TRIM44: variants seen among roughly 807,000 people sequenced by gnomAD.
The protein encoded by TRIM44 is tripartite motif-containing protein 44.
A neutral mutation model predicts 37.4 loss-of-function variants in TRIM44; 13 were observed. The observed-to-expected ratio is 0.35, with a 90% confidence interval of 0.23 to 0.55. The LOEUF (loss-of-function observed/expected upper bound fraction) is 0.55, where lower values mean the gene tolerates loss of function less well. Among genes scored for constraint, TRIM44 ranks in the 20% least tolerant of loss-of-function variants. The pLI is 0.89. For missense variants in TRIM44, 426 were observed against 437.2 expected (o/e 0.97, Z 0.23); for synonymous variants, 175 against 157.2 (o/e 1.11, Z -0.85).
At chr11:35,732,499 C>T (rs1169960210) in intron 3 of TRIM44, among the ~76,000 whole-genome samples, 1 of 152,086 alleles carries the variant, frequency 6.6e-6, no homozygotes, top group Non-Finnish European at 1.5e-5. Flanking sequence ...TTACTATGAG[C>T]CTTGTGCTGT....
chr11:35,791,027 GT>G (rs1225269332), intron 4 of TRIM44, among the ~76,000 whole-genome samples: 1 of 152,134 alleles, frequency 6.6e-6, no homozygotes, highest in African/African-American at 2.4e-5. Flanking sequence ...ACACCTCATA[GT>G]TTCTTGTTTT....
intron 4 of TRIM44, among the ~76,000 whole-genome samples, chr11:35,801,787 C>A (rs1853374121): frequency 6.6e-6 from 1 of 152,044 alleles, no homozygotes; most frequent in African/African-American, 2.4e-5. Flanking sequence ...CATCCCCTAC[C>A]CACAACCAAG....
At chr11:35,725,423 T>A (rs1427157987) in intron 2 of TRIM44, among the ~76,000 whole-genome samples, 1 of 152,122 alleles carries the variant, frequency 6.6e-6, no homozygotes, top group Non-Finnish European at 1.5e-5. Flanking sequence ...AACCTCCACC[T>A]TCTTGGTTCA....
rs529883603 is a variant in TRIM44, at chr11:35,773,296, C to G, written c.1008-33062C>G. ...AGGTGCCTTTTTTTTAAAGAAGTATCTATTCATGTCTTTGGCCCACTTTTT... is the reference window on the plus strand; with the variant it reads ...AGGTGCCTTTTTTTTAAAGAAGTATGTATTCATGTCTTTGGCCCACTTTTT... On this transcript the variant is annotated intron_variant, in intron 4 of 4. Transcript: ENST00000299413. Among the ~76,000 whole-genome samples the G allele has an allele frequency of 7.2e-5, 11 of 152,042 alleles. No individual in the cohort carries two copies. In the East Asian group the frequency reaches 1.9e-3, roughly 27 times the overall value.
chr11:35,681,767 G>C (rs939910812), intron 1 of TRIM44, among the ~76,000 whole-genome samples: 13 of 152,078 alleles, frequency 8.5e-5, no homozygotes, highest in Middle Eastern at 3.4e-3. Flanking sequence ...CTGTTCACTG[G>C]TTCCCTAACT....
chr11:35,770,439 T>C (rs900411375), intron 4 of TRIM44, among the ~76,000 whole-genome samples: 5 of 152,238 alleles, frequency 3.3e-5, no homozygotes, highest in African/African-American at 1.2e-4. Flanking sequence ...GATTGCTGGG[T>C]TGAATAATAA....
chr11:35,784,402 G>C (rs536667542), intron 4 of TRIM44, among the ~76,000 whole-genome samples: 17 of 152,084 alleles, frequency 1.1e-4, no homozygotes, highest in Non-Finnish European at 2.2e-4. Flanking sequence ...GAGAAGTGGT[G>C]GTTTTACAGA....
intron 2 of TRIM44, among the ~76,000 whole-genome samples, chr11:35,698,384 G>A (rs1432298357): frequency 8.2e-5 from 8 of 97,790 alleles, no homozygotes; most frequent in African/African-American, 4.0e-4. Flanking sequence ...CATAATGGTT[G>A]AACTAGTTTA....
chr11:35,699,683 T>C (rs1267769882), intron 2 of TRIM44, among the ~76,000 whole-genome samples: 1 of 151,702 alleles, frequency 6.6e-6, no homozygotes, highest in African/African-American at 2.4e-5. Flanking sequence ...GCAGATGACA[T>C]GATTGTATAT....
intron 4 of TRIM44, among the ~76,000 whole-genome samples, chr11:35,770,716 C>T (rs1368153220): frequency 6.6e-6 from 1 of 152,100 alleles, no homozygotes; most frequent in Non-Finnish European, 1.5e-5. Flanking sequence ...GTGTCCCCAC[C>T]CAAATCTCAT....
intron 2 of TRIM44, among the ~76,000 whole-genome samples, chr11:35,715,404 A>G (rs910384213): frequency 3.4e-4 from 49 of 144,794 alleles, no homozygotes; most frequent in South Asian, 4.5e-4. Context: ...CTCTCTGTGT[A>G]TGTGTGTGTG....
At chr11:35,769,985 G>A (rs763498699) in intron 4 of TRIM44, among the ~76,000 whole-genome samples, 2 of 152,100 alleles carry the variant, frequency 1.3e-5, no homozygotes, top group Non-Finnish European at 2.9e-5. Flanking sequence ...TGATGCTGAG[G>A]TATGGGGTAC....
intron 4 of TRIM44, among the ~76,000 whole-genome samples, chr11:35,801,062 AGTGT>A (rs1853361797): frequency 6.6e-6 from 1 of 152,202 alleles, no homozygotes. Flanking sequence ...GGGGCAGGTG[AGTGT>A]GGGACAGAGG....
At chr11:35,721,861 A>T (rs1016038706) in intron 2 of TRIM44, among the ~76,000 whole-genome samples, 1 of 152,228 alleles carries the variant, frequency 6.6e-6, no homozygotes, top group Non-Finnish European at 1.5e-5. Context: ...TTCCACTGAT[A>T]CACAAAAGAC....
chr11:35,738,048 C>T (rs1852347306), intron 4 of TRIM44, among the ~76,000 whole-genome samples: 1 of 152,170 alleles, frequency 6.6e-6, no homozygotes, highest in African/African-American at 2.4e-5. Context: ...AAAATCCAGT[C>T]CAGTCAGAGC....
intron 3 of TRIM44, among the ~76,000 whole-genome samples, chr11:35,730,674 A>T (rs760133338): frequency 6.6e-6 from 1 of 152,180 alleles, no homozygotes; most frequent in Non-Finnish European, 1.5e-5. Context: ...CTGTTTTTAC[A>T]TGCTCTCAGA....
chr11:35,754,392 C>T (rs1852599786), intron 4 of TRIM44, among the ~76,000 whole-genome samples: 1 of 152,196 alleles, frequency 6.6e-6, no homozygotes, highest in South Asian at 2.1e-4. Context: ...ATTATGGAGA[C>T]TCACTGCCTG....
intron 4 of TRIM44, among the ~76,000 whole-genome samples, chr11:35,786,626 TG>T (rs1239681464): frequency 2.0e-5 from 3 of 152,230 alleles, no homozygotes; most frequent in Admixed American, 1.3e-4. Context: ...CTGACCCCTC[TG>T]AACCTCATTT....
intron 2 of TRIM44, among the ~76,000 whole-genome samples, chr11:35,696,833 G>GT (rs1851706021): frequency 6.9e-6 from 1 of 144,690 alleles, no homozygotes; most frequent in Non-Finnish European, 1.5e-5. Context: ...AGCAACAAGA[G>GT]TGAAACTCTG....
Sources: gnomAD v4.1 joint callset for allele counts (sites outside exome capture counted in the v4.1 genomes callset) on GRCh38, gnomAD v4.1.1 for gene constraint, MANE v1.5 for transcripts, NCBI Gene and HGNC (gene_info 2026-07-23, HGNC 2026-07-21) for gene names.